The following EVC variants were observed in gnomAD, a reference collection of about 807,000 sequenced individuals.
EVC encodes EvC ciliary complex subunit 1.
EVC carries 116 observed loss-of-function variants against 118.9 expected under a neutral mutation model. That is an observed-to-expected ratio of 0.98 (90% CI 0.84 to 1.14). EVC has a LOEUF of 1.14. Ranked by LOEUF, EVC falls within the 50% of genes most tolerant of loss-of-function variation. The pLI, the probability that EVC is intolerant of heterozygous loss-of-function variation, is 0.00. For missense variants in EVC, 1,401 were observed against 1,246.4 expected, an observed-to-expected ratio of 1.12 and a Z score of -1.87; for synonymous variants, 619 against 534.7, an observed-to-expected ratio of 1.16 and a Z score of -2.18.
intron 11 of EVC, among the ~76,000 whole-genome samples, chr4:5,761,793 G>A (rs898681309): frequency 2.6e-5 from 4 of 151,788 alleles, no homozygotes; most frequent in Non-Finnish European, 5.9e-5. Flanking sequence ...AATGAGTTGT[G>A]TTCCACCTCT....
chr4:5,774,294 CT>C lies in EVC; in HGVS notation c.1564-9254del, dbSNP rs564650228. Among the ~76,000 whole-genome samples, 13 of 151,878 alleles carry C rather than the reference CT, an allele frequency of 8.6e-5. No homozygotes were observed. In the East Asian group the frequency reaches 2.5e-3, roughly 30 times the overall value. The stretch of plus-strand genomic sequence containing the variant: ...TGCTCAGAGGGAATTATTCTCACCT[CT>C]TTTCCCCCAAATGCTTTGTTCCTAG... On this transcript the variant is annotated intron_variant, in intron 11 of 20. Coordinates refer to ENST00000264956, the MANE Select transcript of EVC (RefSeq NM_153717.3).
intron 3 of EVC, among the ~76,000 whole-genome samples, chr4:5,730,204 A>C (rs116014777): frequency 1.3e-5 from 2 of 152,244 alleles, no homozygotes; most frequent in African/African-American, 2.4e-5. Context: ...TGGGTGTTAC[A>C]CAAGATAACA....
At chr4:5,750,863 C>G (rs191341040) in intron 8 of EVC, among the ~76,000 whole-genome samples, 1 of 152,082 alleles carries the variant, frequency 6.6e-6, no homozygotes, top group East Asian at 1.9e-4. Context: ...GCCTGCATAC[C>G]GGGCACCAAA....
chr4:5,732,537 A>G (rs1461277277), intron 4 of EVC, among the ~76,000 whole-genome samples: 1 of 152,250 alleles, frequency 6.6e-6, no homozygotes, highest in African/African-American at 2.4e-5. Context: ...GCATTTGCCT[A>G]TGAGGGAAAA....
chr4:5,825,152 CTT>C, the EVC span: 5,329 of 985,418 alleles, frequency 5.4e-3, 18 homozygotes, highest in Middle Eastern at 0.012. The surrounding 1 kb of genome is among the most constrained non-coding windows in gnomAD (Gnocchi z 4.4). Flanking sequence ...ACTCCCATCT[CTT>C]GTTCATCCCC....
the EVC span, chr4:5,825,969 A>ATGC: frequency 2.3e-5 from 9 of 394,534 alleles, no homozygotes; most frequent in Non-Finnish European, 2.7e-5. This position sits in a 1 kb window ranked among gnomAD's most constrained non-coding sequence, Gnocchi z 4.4. Flanking sequence ...CACATGCAGT[A>ATGC]ACAAAACAGG....
the EVC span, chr4:5,824,825 C>T: frequency 4.1e-6 from 4 of 985,428 alleles, no homozygotes; most frequent in Non-Finnish European, 4.8e-6. Context: ...GTTCAACTTT[C>T]TCAACGTGTG....
intron 11 of EVC, among the ~76,000 whole-genome samples, chr4:5,762,213 C>A (rs1225527794): frequency 8.3e-6 from 1 of 120,224 alleles, no homozygotes; most frequent in African/African-American, 3.0e-5. Flanking sequence ...CATCCATGTC[C>A]CTACAAAGGT....
At chr4:5,730,725 A>G (rs886201887) in intron 3 of EVC, among the ~76,000 whole-genome samples, 2 of 152,066 alleles carry the variant, frequency 1.3e-5, no homozygotes, top group African/African-American at 4.8e-5. Context: ...GCTTCTGCCC[A>G]GCAAACAACA....
chr4:5,784,228 G>A (rs1014028126), intron 12 of EVC, among the ~76,000 whole-genome samples: 3 of 152,168 alleles, frequency 2.0e-5, no homozygotes, highest in Non-Finnish European at 4.4e-5. Flanking sequence ...AGGTGCGGTT[G>A]AGTGAAGGAC....
At chr4:5,718,289 A>G (rs1030697648) in intron 1 of EVC, among the ~76,000 whole-genome samples, 4 of 151,804 alleles carry the variant, frequency 2.6e-5, no homozygotes, top group Admixed American at 1.3e-4. Context: ...AGTTTTATGT[A>G]TGTTTCTGTT....
At chr4:5,824,013 T>C in the EVC span, among the ~76,000 whole-genome samples, 1 of 152,186 alleles carries the variant, frequency 6.6e-6, no homozygotes, top group Non-Finnish European at 1.5e-5. Context: ...AGTGGTGCTG[T>C]GGGCCTCAGG....
chr4:5,804,865 C>CG (rs1560439348), intron 17 of EVC, 24 bp downstream of exon 17: 2 of 1,583,810 alleles, frequency 1.3e-6, no homozygotes, highest in South Asian at 2.2e-5. Flanking sequence ...TGAGGTCCCA[C>CG]GTAGGGCTGT....
intron 12 of EVC, among the ~76,000 whole-genome samples, chr4:5,791,850 C>A (rs1712846211): frequency 6.6e-6 from 1 of 152,180 alleles, no homozygotes; most frequent in South Asian, 2.1e-4. Context: ...TGCCCAGACA[C>A]CCCGCCCTGG....
Position 5,793,733 on chromosome 4 carries a change from T to C in EVC, c.1886+16T>C, listed in dbSNP as rs1172639085. On this transcript the variant is annotated intron_variant, in intron 13 of 20. Transcript: ENST00000264956. ...TCACTGAAGAGTGAGTACAGCTCCC[T>C]GAAGGCCCAGGGCTTTGTGTCCTGC... 2.6e-6 allele frequency: 4 copies of C among 1,538,822 alleles called. No homozygotes were observed. Among genetic ancestry groups the C allele is most frequent in the Non-Finnish European group, 3.5e-6 (4 of 1,137,164 alleles).
chr4:5,814,482 C>T (rs558082687), downstream of EVC, among the ~76,000 whole-genome samples: 7 of 152,248 alleles, frequency 4.6e-5, no homozygotes, highest in African/African-American at 1.7e-4. Context: ...CCACAGAAGC[C>T]TCTCCTGCCC....
intron 1 of EVC, among the ~76,000 whole-genome samples, chr4:5,716,950 G>T (rs1724057545): frequency 6.6e-6 from 1 of 152,160 alleles, no homozygotes; most frequent in African/African-American, 2.4e-5. Flanking sequence ...CCTAGTAAAT[G>T]AAATTGCACC....
Position 5,798,533 on chromosome 4 carries a change from GCTT to G in EVC, c.2098-50_2098-48del. The G allele has an allele frequency of 6.5e-7, 1 of 1,530,596 alleles. No individual in the cohort carries two copies. Among genetic ancestry groups the G allele is most frequent in the Non-Finnish European group, 8.8e-7 (1 of 1,130,144 alleles). 94.8% of individuals were successfully genotyped at this position (1,530,596 alleles called of 1,614,324 possible). A position where few individuals can be genotyped will look rare whatever the true frequency, so the allele number is the denominator to read the frequency against. Reference sequence around the variant, plus strand: ...GCCCCACATCCCAGTCCTGGCCAGAGCTTCTCTGTGAGAGGAGCACTTGGCCCC... The same window carrying G: ...GCCCCACATCCCAGTCCTGGCCAGAGCTCTGTGAGAGGAGCACTTGGCCCC... On this transcript the variant is annotated intron_variant, in intron 14 of 20. Coordinates refer to ENST00000264956, the MANE Select transcript of EVC (RefSeq NM_153717.3). The surrounding 1 kb of genome is among the most constrained non-coding windows in gnomAD (Gnocchi z 4.1).
intron 1 of EVC, among the ~76,000 whole-genome samples, chr4:5,712,747 G>A (rs551396674): frequency 1.1e-4 from 16 of 152,326 alleles, no homozygotes; most frequent in African/African-American, 2.6e-4. Flanking sequence ...CAAGATGCTC[G>A]TAGGTGAGTT....
Sources: gnomAD v4.1 joint callset for allele counts (sites outside exome capture counted in the v4.1 genomes callset) on GRCh38, gnomAD v4.1.1 for gene constraint, Gnocchi (gnomAD v3.1) non-coding constraint, MANE v1.5 for transcripts, NCBI Gene and HGNC (gene_info 2026-07-23, HGNC 2026-07-21) for gene names.